Variants in RBFOX1 observed in about 807,000 individuals in gnomAD.
The protein encoded by RBFOX1 is RNA binding fox-1 homolog 1.
In RBFOX1, 8 loss-of-function variants were observed where a neutral mutation model predicts 57.7. The observed-to-expected ratio is 0.14, with a 90% CI of 0.08 to 0.25. The LOEUF (loss-of-function observed/expected upper bound fraction) is 0.25, where lower values mean the gene tolerates loss of function less well. RBFOX1 is among the 10% of genes least tolerant of loss of function. The pLI, the probability that RBFOX1 is intolerant of heterozygous loss-of-function variation, is 1.00. For synonymous variants in RBFOX1, 326 were observed against 222.4 expected (o/e 1.47, Z -4.15); for missense variants, 611 against 548.5 (o/e 1.11, Z -1.14).
intron 2 of RBFOX1, among the ~76,000 whole-genome samples, chr16:6,555,691 CTCTG>C (rs992520014): frequency 1.3e-5 from 2 of 149,388 alleles, no homozygotes; most frequent in African/African-American, 5.1e-5. Context: ...CAGAGCTAGA[CTCTG>C]TCTGAAAAAA....
chr16:6,065,148 C>A (rs34499803), intron 1 of RBFOX1, among the ~76,000 whole-genome samples: 45,122 of 150,924 alleles, frequency 0.3, 8,027 homozygotes, highest in Non-Finnish European at 0.4. Flanking sequence ...CCACCTCATC[C>A]CCCAGAGTGG....
chr16:7,247,230 G>T (rs2094337646), intron 4 of RBFOX1, among the ~76,000 whole-genome samples: 1 of 152,134 alleles, frequency 6.6e-6, no homozygotes, highest in South Asian at 2.1e-4. Flanking sequence ...AAGTGCAAGA[G>T]AAACTTCTAT....
chr16:5,964,960 A>G (rs1187667657), intron 4 of RBFOX1, among the ~76,000 whole-genome samples: 1 of 152,164 alleles, frequency 6.6e-6, no homozygotes, highest in Admixed American at 6.6e-5. Flanking sequence ...TTCAGTCTTA[A>G]AAAGGAGTTT....
chr16:6,768,849 C>T (rs999007670), intron 3 of RBFOX1, among the ~76,000 whole-genome samples: 1 of 151,774 alleles, frequency 6.6e-6, no homozygotes, highest in Non-Finnish European at 1.5e-5. Flanking sequence ...CTGCCTCAGC[C>T]TCCCGAGTAG....
chr16:6,593,612 A>G (rs1390487396), intron 2 of RBFOX1, among the ~76,000 whole-genome samples: 1 of 152,154 alleles, frequency 6.6e-6, no homozygotes, highest in Non-Finnish European at 1.5e-5. Context: ...CTGGTTTTCA[A>G]ATTATGCTGG....
intron 14 of RBFOX1, among the ~76,000 whole-genome samples, chr16:7,703,995 A>C (rs532683520): frequency 1.3e-5 from 2 of 152,182 alleles, no homozygotes; most frequent in Admixed American, 1.3e-4. Context: ...AATCTCCTCT[A>C]TCTGTAGGTG....
chr16:6,838,779 T>C (rs2093287537), intron 3 of RBFOX1, among the ~76,000 whole-genome samples: 1 of 152,158 alleles, frequency 6.6e-6, no homozygotes, highest in Non-Finnish European at 1.5e-5. Flanking sequence ...GTCATACAAA[T>C]GTACATGCCT....
intron 1 of RBFOX1, among the ~76,000 whole-genome samples, chr16:5,445,626 A>G (rs1325754155): frequency 6.6e-6 from 1 of 152,136 alleles, no homozygotes; most frequent in Non-Finnish European, 1.5e-5. Flanking sequence ...GCTACGCTAT[A>G]CTCATCTCCC....
intron 2 of RBFOX1, among the ~76,000 whole-genome samples, chr16:5,580,798 C>A (rs1415395334): frequency 6.6e-6 from 1 of 152,164 alleles, no homozygotes; most frequent in African/African-American, 2.4e-5. Context: ...GCAATCCAGA[C>A]CCAGGAAGCT....
intron 3 of RBFOX1, among the ~76,000 whole-genome samples, chr16:5,713,824 C>A (rs576601948): frequency 6.6e-6 from 1 of 152,264 alleles, no homozygotes; most frequent in Non-Finnish European, 1.5e-5. Flanking sequence ...AGGGCTTGAC[C>A]ATGTAGACAG....
chr16:6,570,791 C>T (rs1479230441), intron 2 of RBFOX1, among the ~76,000 whole-genome samples: 3 of 152,024 alleles, frequency 2.0e-5, no homozygotes. Context: ...AATATTTTTT[C>T]CTCAATTATT....
chr16:7,180,996 G>T (rs1360285170), intron 4 of RBFOX1, among the ~76,000 whole-genome samples: 1 of 152,192 alleles, frequency 6.6e-6, no homozygotes, highest in Non-Finnish European at 1.5e-5. Context: ...CATAGGCAAT[G>T]CAAAAGCAAT....
At chr16:6,804,128 C>T (rs996139055) in intron 3 of RBFOX1, among the ~76,000 whole-genome samples, 1 of 151,990 alleles carries the variant, frequency 6.6e-6, no homozygotes, top group Non-Finnish European at 1.5e-5. Flanking sequence ...TTGCCTCAGG[C>T]ATCCAAGTAG....
chr16:7,586,008 G>A (rs1160823893), intron 6 of RBFOX1, among the ~76,000 whole-genome samples: 1 of 151,978 alleles, frequency 6.6e-6, no homozygotes, highest in African/African-American at 2.4e-5. Context: ...AAACCTCTGG[G>A]GGTCATAAAG....
At chr16:7,345,606 C>T (rs548703502) in intron 4 of RBFOX1, among the ~76,000 whole-genome samples, 1 of 152,118 alleles carries the variant, frequency 6.6e-6, no homozygotes, top group African/African-American at 2.4e-5. Context: ...TACAGAACGC[C>T]AGTCATCAGC....
intron 1 of RBFOX1, among the ~76,000 whole-genome samples, chr16:6,239,786 C>T (rs1421370124): frequency 2.0e-5 from 3 of 152,158 alleles, no homozygotes; most frequent in African/African-American, 7.2e-5. Flanking sequence ...GGTGAGCCAC[C>T]ATGCCCAGCC....
intron 1 of RBFOX1, among the ~76,000 whole-genome samples, chr16:5,417,194 C>T (rs1235674497): frequency 6.6e-6 from 1 of 152,194 alleles, no homozygotes; most frequent in Non-Finnish European, 1.5e-5. Flanking sequence ...TAATCAGTCA[C>T]ATATTTTATT....
chr16:5,675,508 C>G (rs2050140447), intron 3 of RBFOX1, among the ~76,000 whole-genome samples: 1 of 152,190 alleles, frequency 6.6e-6, no homozygotes, highest in Non-Finnish European at 1.5e-5. Context: ...ACAGCTGCCT[C>G]TTTCTCAATT....
chr16:6,637,600 T>TA (rs375214683), intron 2 of RBFOX1, among the ~76,000 whole-genome samples: 1 of 23,988 alleles, frequency 4.2e-5, no homozygotes, highest in African/African-American at 8.2e-5. Flanking sequence ...TATATATATA[T>TA]TAGAATGTGC....
Sources: allele counts gnomAD v4.1 joint callset (sites outside exome capture counted in the v4.1 genomes callset), GRCh38; gene constraint gnomAD v4.1.1; transcripts MANE v1.5; gene names NCBI Gene and HGNC (gene_info 2026-07-23, HGNC 2026-07-21).